Variants in ZNF429 observed in about 807,000 individuals in gnomAD.
The protein encoded by ZNF429 is zinc finger protein 429.
Under a neutral mutation model 56.8 loss-of-function variants are expected in ZNF429, and 53 were observed. The ratio of observed to expected loss-of-function variants is 0.93; its 90% CI spans 0.75 to 1.17. The LOEUF is 1.17. Among genes scored for constraint, ZNF429 ranks in the 50% most tolerant of loss-of-function variants. The pLI is 0.00. For missense variants in ZNF429, 849 were observed against 788.4 expected (o/e 1.08, Z -0.92); for synonymous variants, 278 against 264.7 (o/e 1.05, Z -0.49).
In ZNF429 at chr19:21,537,346, C is replaced by T. The variant is rs1454949533; in HGVS notation, c.1293C>T (p.Gly431=). Residue 431 remains glycine (G), a synonymous_variant, in exon 4 of 4, where the codon GGC becomes GGT. Coordinates refer to ENST00000358491, the MANE Select transcript of ZNF429 (RefSeq NM_001001415.4). ...AACCCTACAATTGTGAAGAATGTGG[C>T]AAAGTTTTTACCTATTCCTCTACAC... ...GEKPYNCEEC[G]KVFTYSSTLT... 5 of 1,613,914 alleles carry T rather than the reference C, an allele frequency of 3.1e-6. No individual in the cohort carries two copies. The South Asian group carries it at 5.5e-5, about 18-fold the overall frequency.
chr19:21,539,723 A>G lies in ZNF429; in HGVS notation c.*1645A>G, dbSNP rs2033856238. Among the ~76,000 whole-genome samples the G allele has an allele frequency of 6.6e-6, 1 of 151,932 alleles. No homozygotes were observed. The highest frequency in any genetic ancestry group is 2.4e-5 in the African/African-American group (1 of 41,368). On this transcript the variant is annotated 3_prime_UTR_variant, in exon 4 of 4. Coordinates refer to ENST00000358491, the MANE Select transcript of ZNF429 (RefSeq NM_001001415.4). ...TGGGATTGCAGCCATGAGCCACTGCACCCAGCCCAAAGTATGCTTTTAAAA... is the reference window on the plus strand; with the variant it reads ...TGGGATTGCAGCCATGAGCCACTGCGCCCAGCCCAAAGTATGCTTTTAAAA...
rs1417991758 is a variant in ZNF429 at position 21,540,617 on chromosome 19, T to C, written c.*2539T>C. 6.6e-6 allele frequency among the ~76,000 whole-genome samples: 1 copy of C among 152,026 alleles called. No homozygotes were observed. The highest frequency in any genetic ancestry group is 1.5e-5 in the Non-Finnish European group (1 of 67,938). ...GCTATTGACTGCATGGTTATCTTTG[T>C]GGTATAAAAATTTATATATAAGTAT... On this transcript the variant is annotated 3_prime_UTR_variant, in exon 4 of 4. Transcript: ENST00000358491.
At chr19:21,516,477 G>C (rs1164581397) in intron 1 of ZNF429, among the ~76,000 whole-genome samples, 1 of 152,130 alleles carries the variant, frequency 6.6e-6, no homozygotes, top group Non-Finnish European at 1.5e-5. Flanking sequence ...GTTGTGTTAA[G>C]AATGTTTTTG....
intron 3 of ZNF429, among the ~76,000 whole-genome samples, chr19:21,534,476 AG>A: frequency 9.8e-6 from 1 of 101,858 alleles, no homozygotes; most frequent in Non-Finnish European, 2.2e-5. Flanking sequence ...CCTGAGCTCA[AG>A]TGATCCTTCC....
intron 3 of ZNF429, among the ~76,000 whole-genome samples, chr19:21,535,858 A>G: frequency 6.6e-6 from 1 of 152,102 alleles, no homozygotes; most frequent in African/African-American, 2.4e-5. Flanking sequence ...GTGGGAAGCT[A>G]AATCCAGCAT....
chr19:21,528,603 G>A (rs1490785735), intron 1 of ZNF429, among the ~76,000 whole-genome samples: 2 of 152,054 alleles, frequency 1.3e-5, no homozygotes, highest in Non-Finnish European at 2.9e-5. Context: ...TACTGTGGAG[G>A]CTGAGGCAGG....
Position 21,536,365 on chromosome 19 carries a change from T to C in ZNF429, c.312T>C (p.Asp104=), listed in dbSNP as rs1240980665. The change falls in exon 4 of 4, where the codon GAT becomes GAC. Residue 104 remains aspartate (D), a synonymous_variant. Transcript: ENST00000358491. ...AAAAAGTGACACTGAGGAGATATGA[T>C]AAACGTGGACATGAGAACTTACAAT... The part of the protein sequence containing the change: ...SFQKVTLRRY[D]KRGHENLQLR... 1 of 1,613,824 alleles carries C rather than the reference T, an allele frequency of 6.2e-7. No homozygotes were observed. Among genetic ancestry groups the C allele is most frequent in the Non-Finnish European group, 8.5e-7 (1 of 1,179,872 alleles).
intron 1 of ZNF429, among the ~76,000 whole-genome samples, chr19:21,509,070 G>A (rs979101046): frequency 3.3e-5 from 5 of 150,610 alleles, no homozygotes; most frequent in Admixed American, 3.3e-4. Flanking sequence ...GTGCAGTGGT[G>A]CGATCTTGGC....
At chr19:21,517,304 G>C (rs1206365668) in intron 1 of ZNF429, among the ~76,000 whole-genome samples, 1 of 152,208 alleles carries the variant, frequency 6.6e-6, no homozygotes, top group East Asian at 1.9e-4. Flanking sequence ...GATCATAGCA[G>C]ATTAGCTTGT....
rs2033847619 is a variant in ZNF429 at position 21,539,538 on chromosome 19, C to T, written c.*1460C>T. ...TTGGGTTCAAGCAGTTCTCCTGCCACAGCCTCCTGAGTAGCTGGGAATACA... is the reference window on the plus strand; with the variant it reads ...TTGGGTTCAAGCAGTTCTCCTGCCATAGCCTCCTGAGTAGCTGGGAATACA... On this transcript the variant is annotated 3_prime_UTR_variant, in exon 4 of 4. Transcript: ENST00000358491. 6.6e-6 allele frequency among the ~76,000 whole-genome samples: 1 copy of T among 151,804 alleles called. No individual in the cohort carries two copies. Among genetic ancestry groups the T allele is most frequent in the East Asian group, 1.9e-4 (1 of 5,170 alleles).
chr19:21,521,378 C>T (rs1007014343), intron 1 of ZNF429: 2 of 152,184 alleles, frequency 1.3e-5, no homozygotes, highest in African/African-American at 4.8e-5. Flanking sequence ...ACATGTATTT[C>T]ACAATAGATC....
chr19:21,529,885 T>C, intron 2 of ZNF429, 101 bp downstream of exon 2: 1 of 875,346 alleles, frequency 1.1e-6, no homozygotes, highest in Non-Finnish European at 1.6e-6. Context: ...CATAAATGAG[T>C]TTCAGATTCC....
chr19:21,536,966 A>G lies in ZNF429; in HGVS notation c.913A>G (p.Ile305Val), dbSNP rs774807076. ...SISSTFTKHKIIHTEEKPYKC... is the reference protein window; with the variant it reads ...SISSTFTKHKVIHTEEKPYKC... Reference sequence around the variant, plus strand: ...ATCCTCAACCTTTACTAAACATAAGATAATTCATACTGAAGAGAAACCCTA... The same window carrying G: ...ATCCTCAACCTTTACTAAACATAAGGTAATTCATACTGAAGAGAAACCCTA... The change falls in exon 4 of 4, where the codon ATA (isoleucine) becomes GTA (valine). Residue 305 changes from isoleucine to valine, a missense_variant. Physicochemically the swap from Ile to Val is conservative, Grantham distance 29 (BLOSUM62 3). Coordinates refer to ENST00000358491, the MANE Select transcript of ZNF429 (RefSeq NM_001001415.4). 1.2e-6 allele frequency: 2 copies of G among 1,613,968 alleles called. No individual in the cohort carries two copies. Among genetic ancestry groups the G allele is most frequent in the Admixed American group, 1.7e-5 (1 of 60,022 alleles).
chr19:21,507,064 G>A (rs1336162445), intron 1 of ZNF429, among the ~76,000 whole-genome samples: 1 of 152,158 alleles, frequency 6.6e-6, no homozygotes, highest in Non-Finnish European at 1.5e-5. Context: ...CACGGCTCCC[G>A]GCTTGAGTTA....
In ZNF429 at chr19:21,537,719, A is replaced by G. The variant is rs1469512801; in HGVS notation, c.1666A>G (p.Lys556Glu). Residue 556 changes from lysine (K) to glutamate (E), a missense_variant, in exon 4 of 4, where the codon AAG (lysine) becomes GAG (glutamate). Lys to Glu is a moderately conservative substitution (Grantham distance 56). Transcript: ENST00000358491. ...FNRSSRLTQH[K>E]KIHTGEKPYK... ...CCGGTCCTCAAGACTTACTCAACAT[A>G]AGAAAATTCATACTGGAGAGAAACC... 1 of 1,614,072 alleles carries G rather than the reference A, an allele frequency of 6.2e-7. No individual in the cohort carries two copies. Among genetic ancestry groups the G allele is most frequent in the Middle Eastern group, 1.6e-4 (1 of 6,062 alleles).
rs560672374 is a variant in ZNF429, at chr19:21,536,799, G to T, written c.746G>T (p.Arg249Ile). The stretch of plus-strand genomic sequence containing the variant: ...TACTCAACCCTTACTAACCATAAGA[G>T]AATTCATACTGGAGAGAAACCCTAC... ...NHYSTLTNHK[R>I]IHTGEKPYKC... Residue 249 changes from arginine (R) to isoleucine (I), a missense_variant, in exon 4 of 4, where the codon AGA becomes ATA. By Grantham distance (97) the Arg-to-Ile change is moderately conservative. Transcript: ENST00000358491. The T allele has an allele frequency of 5.0e-6, 8 of 1,613,758 alleles. No individual in the cohort carries two copies. The highest frequency in any genetic ancestry group is 2.2e-5 in the East Asian group (1 of 44,826).
At chr19:21,505,940 C>T in intron 1 of ZNF429, 166 bp downstream of exon 1, 1 of 660,520 alleles carries the variant, frequency 1.5e-6, no homozygotes, top group Admixed American at 2.7e-5. Context: ...AAGATGGCGA[C>T]TGTGCTGACA....
intron 3 of ZNF429, 76 bp downstream of exon 3, chr19:21,530,760 G>A: frequency 2.8e-6 from 3 of 1,086,856 alleles, no homozygotes; most frequent in African/African-American, 3.2e-5. Context: ...CCTTAACAAT[G>A]TGATTTGGGA....
intron 3 of ZNF429, among the ~76,000 whole-genome samples, chr19:21,531,287 G>C: frequency 6.6e-6 from 1 of 151,996 alleles, no homozygotes; most frequent in Admixed American, 6.6e-5. Context: ...CCGCAGCCTT[G>C]TGACCAAGCT....
Sources: gnomAD v4.1 joint callset for allele counts (sites outside exome capture counted in the v4.1 genomes callset) on GRCh38, gnomAD v4.1.1 for gene constraint, MANE v1.5 for transcripts, NCBI Gene and HGNC (gene_info 2026-07-23, HGNC 2026-07-21) for gene names.